The following GRIK5 variants were observed in gnomAD, a reference collection of about 807,000 sequenced individuals.
The protein encoded by GRIK5 is glutamate ionotropic receptor kainate type subunit 5.
A neutral mutation model predicts 97.4 loss-of-function variants in GRIK5; 43 were observed. That is an observed-to-expected ratio of 0.44 (90% CI 0.35 to 0.57). The LOEUF is 0.57. Ranked by LOEUF, GRIK5 falls within the 20% of genes least tolerant of loss-of-function variation. GRIK5 has a pLI of 0.01. For missense variants in GRIK5, 1,015 were observed against 1,382.0 expected (o/e 0.73, Z 4.21); for synonymous variants, 580 against 583.5 (o/e 0.99, Z 0.09).
rs1460883555 is a variant in GRIK5 at position 42,056,843 on chromosome 19, G to A, written c.742-20C>T. ...GAAGTCCTGGGACCAGGAAGAGGTG[G>A]TGAGGCCTGGGGCTAAGCCCTAATG... On this transcript the variant is annotated intron_variant, in intron 7 of 19. Transcript: ENST00000593562. The A allele has an allele frequency of 5.0e-6, 8 of 1,613,938 alleles. No homozygotes were observed. The highest frequency in any genetic ancestry group is 6.8e-6 in the Non-Finnish European group (8 of 1,179,926).
At chr19:42,037,036 C>T (rs954024800) in intron 12 of GRIK5, among the ~76,000 whole-genome samples, 2 of 152,202 alleles carry the variant, frequency 1.3e-5, no homozygotes, top group African/African-American at 2.4e-5. Context: ...CAGGGTTAGC[C>T]GACTCCAAAA....
chr19:42,059,251 C>G, intron 6 of GRIK5, 98 bp downstream of exon 6: 1 of 867,078 alleles, frequency 1.2e-6, no homozygotes, highest in Non-Finnish European at 1.8e-6. Context: ...CTTGAAGCCC[C>G]CTTTTGACTC....
chr19:42,026,446 G>A (rs888091360), intron 12 of GRIK5, among the ~76,000 whole-genome samples: 1 of 151,414 alleles, frequency 6.6e-6, no homozygotes, highest in African/African-American at 2.4e-5. Context: ...TAGAGATGGG[G>A]TTTCACCACG....
chr19:42,036,162 C>T (rs2075902098), intron 12 of GRIK5, among the ~76,000 whole-genome samples: 2 of 151,114 alleles, frequency 1.3e-5, no homozygotes, highest in South Asian at 4.2e-4. Context: ...CAGGTTCAAG[C>T]GATTCTCCTG....
chr19:42,057,408 GTC>G (rs1311658439), intron 6 of GRIK5, among the ~76,000 whole-genome samples: 1 of 151,378 alleles, frequency 6.6e-6, no homozygotes, highest in Non-Finnish European at 1.5e-5. Flanking sequence ...ATCTTGCTCT[GTC>G]ACTCAGGCTG....
At chr19:42,046,299 G>T (rs1227468851) in intron 11 of GRIK5, among the ~76,000 whole-genome samples, 1 of 152,090 alleles carries the variant, frequency 6.6e-6, no homozygotes, top group African/African-American at 2.4e-5. Context: ...AAGAGACTGG[G>T]GCCTGTGAAT....
intron 12 of GRIK5, among the ~76,000 whole-genome samples, chr19:42,036,785 G>C (rs1368158467): frequency 6.6e-6 from 1 of 152,208 alleles, no homozygotes; most frequent in East Asian, 1.9e-4. Context: ...CCCTGAGCTG[G>C]GGACATAGCT....
intron 17 of GRIK5, among the ~76,000 whole-genome samples, chr19:42,004,391 T>C (rs2146013148): frequency 6.6e-6 from 1 of 152,284 alleles, no homozygotes; most frequent in East Asian, 1.9e-4. Flanking sequence ...CCCTATTCTA[T>C]ACTTATTTCT....
intron 12 of GRIK5, among the ~76,000 whole-genome samples, chr19:42,030,895 T>G (rs1198731613): frequency 6.6e-6 from 1 of 152,176 alleles, no homozygotes; most frequent in African/African-American, 2.4e-5. Context: ...CATACTGTTG[T>G]CAATGTAGGG....
At chr19:42,067,744 A>C (rs2146195320) in intron 1 of GRIK5, among the ~76,000 whole-genome samples, 1 of 152,302 alleles carries the variant, frequency 6.6e-6, no homozygotes, top group South Asian at 2.1e-4. Context: ...ACACACAGAA[A>C]GACAGCCCAA....
intron 12 of GRIK5, among the ~76,000 whole-genome samples, chr19:42,024,214 C>CA (rs2075740089): frequency 7.1e-6 from 1 of 141,148 alleles, no homozygotes; most frequent in Non-Finnish European, 1.6e-5. Flanking sequence ...CCCATTGGCC[C>CA]TTTTTTTTTT....
intron 12 of GRIK5, among the ~76,000 whole-genome samples, chr19:42,036,261 C>T (rs2075903404): frequency 6.6e-6 from 1 of 152,062 alleles, no homozygotes; most frequent in African/African-American, 2.4e-5. Flanking sequence ...GGGGTTTCAC[C>T]ATGTTGGCGG....
chr19:42,015,237 T>C (rs542904363), intron 15 of GRIK5, among the ~76,000 whole-genome samples: 1 of 152,268 alleles, frequency 6.6e-6, no homozygotes, highest in East Asian at 1.9e-4. Flanking sequence ...CTCTCAATAA[T>C]TGATGGAACA....
chr19:42,061,154 TCTC>T (rs1270472357), intron 5 of GRIK5, among the ~76,000 whole-genome samples: 1 of 152,118 alleles, frequency 6.6e-6, no homozygotes, highest in African/African-American at 2.4e-5. Flanking sequence ...TTCACGCCAT[TCTC>T]CTGCCTCAGC....
chr19:42,056,603 G>A (rs2076188792), intron 8 of GRIK5, 59 bp downstream of exon 8: 15 of 1,499,628 alleles, frequency 1.0e-5, no homozygotes, highest in Non-Finnish European at 1.3e-5. Context: ...TCTGAAAGGG[G>A]GCCCCAGAAG....
In GRIK5 at chr19:42,065,473, G is replaced by A; in HGVS notation, c.80-86C>T. Reference sequence around the variant, plus strand: ...GTCTTAGACTCCAGGGCTCTAGGGTGAGGTGGGTATACGGACCAGGGGTCT... The same window carrying A: ...GTCTTAGACTCCAGGGCTCTAGGGTAAGGTGGGTATACGGACCAGGGGTCT... On this transcript the variant is annotated intron_variant, in intron 2 of 19. Transcript: ENST00000593562. The surrounding 1 kb of genome is among the most constrained non-coding windows in gnomAD (Gnocchi z 5.8). 2 of 1,386,434 alleles carry A rather than the reference G, an allele frequency of 1.4e-6. No homozygotes were observed. Among genetic ancestry groups the A allele is most frequent in the East Asian group, 2.3e-5 (1 of 42,858 alleles). 85.9% of individuals were successfully genotyped at this position (1,386,434 alleles called of 1,614,324 possible).
intron 12 of GRIK5, among the ~76,000 whole-genome samples, chr19:42,025,339 C>A (rs563603853): frequency 1.3e-5 from 2 of 152,224 alleles, no homozygotes; most frequent in South Asian, 4.2e-4. Context: ...GGAACCACTC[C>A]CCTCCTAGGG....
At chr19:42,057,185 T>C (rs1013279600) in intron 6 of GRIK5, among the ~76,000 whole-genome samples, 1 of 152,132 alleles carries the variant, frequency 6.6e-6, no homozygotes, top group African/African-American at 2.4e-5. Context: ...TAGTCCCTGG[T>C]GTCCCGCCAT....
In GRIK5 at chr19:42,031,887, C is replaced by T. The variant is rs770307370; in HGVS notation, c.1474-9533G>A. 2.8e-4 allele frequency among the ~76,000 whole-genome samples: 42 copies of T among 152,322 alleles called. 1 individual carries two copies. The highest frequency in any genetic ancestry group is 1.3e-4 in the Admixed American group (2 of 15,302). On this transcript the variant is annotated intron_variant, in intron 12 of 19. Transcript: ENST00000593562. The stretch of plus-strand genomic sequence containing the variant: ...ACAACCCATGCCTGTAATCGTAACA[C>T]TTTGGGAGGCCAAAATGGGTGAACC...
Sources: allele counts gnomAD v4.1 joint callset (sites outside exome capture counted in the v4.1 genomes callset), GRCh38; gene constraint gnomAD v4.1.1; non-coding constraint Gnocchi (gnomAD v3.1); transcripts MANE v1.5; gene names NCBI Gene and HGNC (gene_info 2026-07-23, HGNC 2026-07-21).